PCDHA1: variants seen among roughly 807,000 people sequenced by gnomAD.
PCDHA1 encodes the protein protocadherin alpha 1.
A neutral mutation model predicts 61.3 loss-of-function variants in PCDHA1; 42 were observed. That is an observed-to-expected ratio of 0.69 (90% confidence interval 0.54 to 0.89). The LOEUF (loss-of-function observed/expected upper bound fraction) is 0.89. PCDHA1 is among the 40% of genes least tolerant of loss of function. The probability of loss-of-function intolerance (pLI) is 0.00; values close to 1 mark genes in which losing one functional copy is unlikely to be tolerated. For synonymous variants in PCDHA1, 610 were observed against 553.8 expected, an observed-to-expected ratio of 1.10 and a Z score of -1.43; for missense variants, 1,256 against 1,235.3, an observed-to-expected ratio of 1.02 and a Z score of -0.25.
chr5:140,800,990 C>T, intron 1 of PCDHA1: 1 of 1,368,604 alleles, frequency 7.3e-7, no homozygotes, highest in Non-Finnish European at 9.5e-7. Flanking sequence ...TTAATACTTA[C>T]ACGTTTAGCC....
At position 140,786,186 on chromosome 5, in the gene PCDHA1, G is replaced by A. The variant is rs1313528378; in HGVS notation, c.-105G>A. 2.1e-6 allele frequency: 3 copies of A among 1,429,508 alleles called. No homozygotes were observed. The highest frequency in any genetic ancestry group is 1.4e-5 in the African/African-American group (1 of 69,984). 88.6% of individuals were successfully genotyped at this position (1,429,508 alleles called of 1,614,324 possible). A position where few individuals can be genotyped will look rare whatever the true frequency, so the allele number is the denominator to read the frequency against. ...AGGAAGCTCCATTTTGTCACCGCCT[G>A]AGAGAAGACAGAAACGGTAAAGAGA... On this transcript the variant is annotated 5_prime_UTR_variant, in exon 1 of 4. Coordinates refer to ENST00000504120, the MANE Select transcript of PCDHA1 (RefSeq NM_018900.4).
chr5:140,870,955 C>T, intron 1 of PCDHA1: 1 of 1,613,632 alleles, frequency 6.2e-7, no homozygotes, highest in Non-Finnish European at 8.5e-7. Context: ...GGGCGGCTCG[C>T]GCATCCCGTT....
intron 1 of PCDHA1, chr5:140,858,242 C>G (rs1554151322): frequency 6.3e-7 from 1 of 1,596,300 alleles, no homozygotes; most frequent in Non-Finnish European, 8.6e-7. Flanking sequence ...CGCATGTGGG[C>G]CGGTGAAGCC....
chr5:140,818,281 T>C (rs1475330326), intron 1 of PCDHA1, among the ~76,000 whole-genome samples: 2 of 152,230 alleles, frequency 1.3e-5, no homozygotes, highest in Non-Finnish European at 2.9e-5. Flanking sequence ...TGTTTCATAA[T>C]CCATGTTTTA....
At position 140,787,559 on chromosome 5, in the gene PCDHA1, G is replaced by C; in HGVS notation, c.1269G>C (p.Leu423=). The change falls in exon 1 of 4, where the codon CTG becomes CTC. Residue 423 remains leucine, a synonymous_variant. Transcript: ENST00000504120. ...LDRESLSVYE[L]VVTARDGGSP... ...GCGAGAGCCTGTCGGTCTATGAGCTGGTGGTGACCGCGCGGGACGGGGGCT... is the reference window on the plus strand; with the variant it reads ...GCGAGAGCCTGTCGGTCTATGAGCTCGTGGTGACCGCGCGGGACGGGGGCT... 1 of 1,614,232 alleles carries C rather than the reference G, an allele frequency of 6.2e-7. No homozygotes were observed. Among genetic ancestry groups the C allele is most frequent in the East Asian group, 2.2e-5 (1 of 44,886 alleles).
intron 1 of PCDHA1, chr5:140,876,474 C>T: frequency 6.2e-7 from 1 of 1,614,014 alleles, no homozygotes; most frequent in Non-Finnish European, 8.5e-7. Flanking sequence ...CAGGTCACAG[C>T]ATGGTCCTGG....
intron 1 of PCDHA1, among the ~76,000 whole-genome samples, chr5:140,921,440 G>A (rs1026829665): frequency 6.6e-6 from 1 of 152,056 alleles, no homozygotes; most frequent in Non-Finnish European, 1.5e-5. Flanking sequence ...CTTCAATGGT[G>A]TCTGAAAAGG....
At chr5:140,956,594 T>C (rs2095295015) in intron 1 of PCDHA1, among the ~76,000 whole-genome samples, 1 of 152,210 alleles carries the variant, frequency 6.6e-6, no homozygotes, top group Non-Finnish European at 1.5e-5. Flanking sequence ...TTATCAGGGA[T>C]ATCAGCTGGA....
chr5:141,009,594 C>G, intron 3 of PCDHA1, 33 bp from the exon 4 acceptor site: 1 of 1,602,468 alleles, frequency 6.2e-7, no homozygotes, highest in Non-Finnish European at 8.5e-7. Context: ...ATGTGTTGAC[C>G]CTGTTAATGA....
chr5:140,809,127 T>C (rs781933598), intron 1 of PCDHA1: 19 of 1,613,890 alleles, frequency 1.2e-5, no homozygotes, highest in Non-Finnish European at 1.5e-5. Context: ...CGCCACCGCC[T>C]ACTGGTACTG....
chr5:140,899,102 G>A (rs1156372420), intron 1 of PCDHA1, among the ~76,000 whole-genome samples: 1 of 152,066 alleles, frequency 6.6e-6, no homozygotes, highest in Non-Finnish European at 1.5e-5. Flanking sequence ...TGAGATAATG[G>A]GGTTTTCTAG....
intron 1 of PCDHA1, chr5:140,835,681 C>T (rs2150132521): frequency 6.2e-7 from 1 of 1,613,918 alleles, no homozygotes; most frequent in Non-Finnish European, 8.5e-7. Flanking sequence ...GGGGGCTCGC[C>T]TTCTCTGTGG....
chr5:140,871,328 G>T (rs374687707), intron 1 of PCDHA1: 4 of 1,614,128 alleles, frequency 2.5e-6, no homozygotes, highest in African/African-American at 1.3e-5. Context: ...GTGTGCTCCC[G>T]CGCGGTGGGG....
intron 1 of PCDHA1, chr5:140,796,651 C>G: frequency 6.2e-7 from 1 of 1,613,860 alleles, no homozygotes; most frequent in Non-Finnish European, 8.5e-7. Flanking sequence ...CGACAACGCG[C>G]CGGCACTGTT....
At chr5:140,903,675 A>G (rs1554191078) in intron 1 of PCDHA1, among the ~76,000 whole-genome samples, 2 of 152,244 alleles carry the variant, frequency 1.3e-5, no homozygotes, top group Non-Finnish European at 2.9e-5. Flanking sequence ...GATATAAAAG[A>G]TGTTTGGTAA....
At position 140,856,610 on chromosome 5, in the gene PCDHA1, G is replaced by A. The variant is rs782134319; in HGVS notation, c.2394+67926G>A. Reference sequence around the variant, plus strand: ...TGATATTATAAACAAAAAAGACAAAGACAAATTCCCAGTGCTTGTTCTGCG... The same window carrying A: ...TGATATTATAAACAAAAAAGACAAAAACAAATTCCCAGTGCTTGTTCTGCG... On this transcript the variant is annotated intron_variant, in intron 1 of 3. Transcript: ENST00000504120. 5 of 1,597,928 alleles carry A rather than the reference G, an allele frequency of 3.1e-6. No homozygotes were observed. The Admixed American group carries it at 5.1e-5, about 16-fold the overall frequency.
intron 3 of PCDHA1, among the ~76,000 whole-genome samples, chr5:140,997,683 T>C (rs782444752): frequency 6.6e-6 from 1 of 152,044 alleles, no homozygotes; most frequent in Non-Finnish European, 1.5e-5. Context: ...TGTGTGTGTG[T>C]GTGTGTGTGT....
chr5:141,006,465 G>T (rs1338372692), intron 3 of PCDHA1, among the ~76,000 whole-genome samples: 3 of 151,948 alleles, frequency 2.0e-5, no homozygotes, highest in Non-Finnish European at 4.4e-5. Context: ...TGCCTGTCTC[G>T]GCCTCCCAAA....
At position 141,000,421 on chromosome 5, in the gene PCDHA1, A is replaced by ATTTTTT. The variant is rs34755515; in HGVS notation, c.2543-9188_2543-9183dup. On this transcript the variant is annotated intron_variant, in intron 3 of 3. Coordinates refer to ENST00000504120, the MANE Select transcript of PCDHA1 (RefSeq NM_018900.4). ...TATATATATATATATATATATATAT[A>ATTTTTT]TTTTTTTTTTTTTTTTTTTTTTTGA... 3.2e-4 allele frequency among the ~76,000 whole-genome samples: 9 copies of ATTTTTT among 27,978 alleles called. 1 individual carries two copies. The highest frequency in any genetic ancestry group is 5.3e-4 in the African/African-American group (3 of 5,638). 18.4% of individuals were successfully genotyped at this position (27,978 alleles called of 152,430 possible).
Sources: allele counts gnomAD v4.1 joint callset (sites outside exome capture counted in the v4.1 genomes callset), GRCh38; gene constraint gnomAD v4.1.1; transcripts MANE v1.5; gene names NCBI Gene and HGNC (gene_info 2026-07-23, HGNC 2026-07-21).